Variants in EPS15 observed in about 807,000 individuals in gnomAD.
EPS15 encodes epidermal growth factor receptor substrate 15.
A neutral mutation model predicts 113.8 loss-of-function variants in EPS15; 72 were observed. The ratio of observed to expected loss-of-function variants is 0.63; its 90% CI spans 0.52 to 0.77. The LOEUF is 0.77. Among genes scored for constraint, EPS15 ranks in the 30% least tolerant of loss-of-function variants. The probability of loss-of-function intolerance (pLI) is 0.00; values close to 1 mark genes in which losing one functional copy is unlikely to be tolerated. For synonymous variants in EPS15, 344 were observed against 363.4 expected (o/e 0.95, Z 0.61); for missense variants, 1,048 against 1,045.8 (o/e 1.00, Z -0.03).
intron 12 of EPS15, among the ~76,000 whole-genome samples, chr1:51,433,982 T>G (rs1360525286): frequency 6.6e-6 from 1 of 152,246 alleles, no homozygotes; most frequent in Non-Finnish European, 1.5e-5. Context: ...ACTGAGGCAT[T>G]TTACTGTCAC....
At chr1:51,403,379 C>G in intron 17 of EPS15, 40 bp downstream of exon 17, 1 of 1,096,916 alleles carries the variant, frequency 9.1e-7, no homozygotes, top group Non-Finnish European at 1.4e-6. Flanking sequence ...GTCCTTCCAC[C>G]CTTACAAGTC....
chr1:51,502,060 G>A (rs140043621), intron 1 of EPS15, among the ~76,000 whole-genome samples: 1 of 151,994 alleles, frequency 6.6e-6, no homozygotes, highest in Non-Finnish European at 1.5e-5. Context: ...TGCACCTTAG[G>A]AGTTTGAGAC....
At chr1:51,390,621 A>C (rs1647262976) in intron 21 of EPS15, among the ~76,000 whole-genome samples, 1 of 151,566 alleles carries the variant, frequency 6.6e-6, no homozygotes, top group South Asian at 2.1e-4. Context: ...ATTTACAAGA[A>C]AAAAAAAACA....
chr1:51,513,853 G>A (rs1225380371), intron 1 of EPS15, among the ~76,000 whole-genome samples: 2 of 152,042 alleles, frequency 1.3e-5, no homozygotes, highest in Non-Finnish European at 2.9e-5. Context: ...TAAATGTTTA[G>A]GATGAAAACT....
At chr1:51,476,201 C>A (rs1158578638) in intron 2 of EPS15, among the ~76,000 whole-genome samples, 1 of 152,056 alleles carries the variant, frequency 6.6e-6, no homozygotes, top group Non-Finnish European at 1.5e-5. Context: ...TTTTTGGTTC[C>A]ATATGAACTT....
chr1:51,487,503 T>C (rs1408423410), intron 1 of EPS15, among the ~76,000 whole-genome samples: 1 of 152,194 alleles, frequency 6.6e-6, no homozygotes, highest in Non-Finnish European at 1.5e-5. Context: ...CTCAAAAATG[T>C]ACCAGTTTGA....
chr1:51,358,702 TTTTTTTG>T (rs1475907464), intron 24 of EPS15, among the ~76,000 whole-genome samples: 372 of 148,334 alleles, frequency 2.5e-3, no homozygotes, highest in Non-Finnish European at 4.2e-3. Flanking sequence ...CAGATTTGTT[TTTTTTTG>T]TTTTTTTTTT....
At chr1:51,393,368 C>G (rs1647585997) in intron 21 of EPS15, among the ~76,000 whole-genome samples, 1 of 152,196 alleles carries the variant, frequency 6.6e-6, no homozygotes, top group Non-Finnish European at 1.5e-5. Flanking sequence ...CACCACCATA[C>G]CTGGCTAATT....
At chr1:51,431,027 C>CACACACACAA (rs1491306539) in intron 12 of EPS15, among the ~76,000 whole-genome samples, 1 of 96,036 alleles carries the variant, frequency 1.0e-5, no homozygotes, top group Non-Finnish European at 2.1e-5. Flanking sequence ...CACACACACA[C>CACACACACAA]AAAAATAAAA....
chr1:51,400,382 C>T (rs1029351686), intron 19 of EPS15, among the ~76,000 whole-genome samples: 1 of 152,068 alleles, frequency 6.6e-6, no homozygotes, highest in Non-Finnish European at 1.5e-5. Context: ...AGTCTAAACA[C>T]TAATGTCATT....
intron 1 of EPS15, among the ~76,000 whole-genome samples, chr1:51,508,332 GAAAGAGAGAAAGAA>G (rs1198687081): frequency 1.4e-3 from 173 of 125,452 alleles, no homozygotes; most frequent in African/African-American, 4.9e-3. Flanking sequence ...GAGAGAAAGA[GAAAGAGAGAAAGAA>G]AGAAAGAAAG....
In EPS15 at chr1:51,423,753, G is replaced by A. The variant is rs901369421; in HGVS notation, c.1041-1895C>T. The A allele has an allele frequency of 5.1e-6, 5 of 984,716 alleles. No individual in the cohort carries two copies. In the African/African-American group the frequency reaches 8.7e-5, roughly 17 times the overall value. The allele number at this position is 984,716 out of a possible 1,614,324, so 61.0% of individuals were successfully genotyped here. Reference sequence around the variant, plus strand: ...AAACAGGGCTACAAGAAGCCAGTGAGCTGACTCAAAGTAGCCAAGGCAGAA... The same window carrying A: ...AAACAGGGCTACAAGAAGCCAGTGAACTGACTCAAAGTAGCCAAGGCAGAA... On this transcript the variant is annotated intron_variant, in intron 12 of 24. Transcript: ENST00000371733.
At chr1:51,457,044 T>A (rs990611196) in intron 8 of EPS15, among the ~76,000 whole-genome samples, 11 of 151,900 alleles carry the variant, frequency 7.2e-5, no homozygotes, top group Non-Finnish European at 8.8e-5. Context: ...CCAGCACTTT[T>A]GGAGGCCGAG....
intron 2 of EPS15, among the ~76,000 whole-genome samples, chr1:51,478,756 TTTTC>T (rs1289566126): frequency 6.6e-6 from 1 of 152,210 alleles, no homozygotes; most frequent in Non-Finnish European, 1.5e-5. Context: ...TTGAAAATTC[TTTTC>T]TTTAAGAATG....
At chr1:51,422,360 A>G (rs1650837170) in intron 12 of EPS15, among the ~76,000 whole-genome samples, 1 of 152,202 alleles carries the variant, frequency 6.6e-6, no homozygotes, top group African/African-American at 2.4e-5. Context: ...GAATGAAACA[A>G]CAGAGAAAAT....
At chr1:51,411,451 T>A (rs1346004512) in intron 13 of EPS15, among the ~76,000 whole-genome samples, 1 of 152,180 alleles carries the variant, frequency 6.6e-6, no homozygotes, top group African/African-American at 2.4e-5. Flanking sequence ...TACAGAGAAT[T>A]TAAGATACAG....
chr1:51,365,897 G>T, intron 22 of EPS15, 56 bp downstream of exon 22: 1 of 1,209,474 alleles, frequency 8.3e-7, no homozygotes, highest in Non-Finnish European at 1.2e-6. Flanking sequence ...AAGGAGGATT[G>T]TTCTTTTGGT....
intron 1 of EPS15, among the ~76,000 whole-genome samples, chr1:51,511,234 C>T (rs903923248): frequency 6.6e-6 from 1 of 151,796 alleles, no homozygotes; most frequent in Non-Finnish European, 1.5e-5. Flanking sequence ...GTGGCTCACA[C>T]TATAATCTCA....
chr1:51,361,374 A>C lies in EPS15; in HGVS notation c.2360-19T>G, dbSNP rs745572941. On this transcript the variant is annotated intron_variant, in intron 23 of 24. Coordinates refer to ENST00000371733, the MANE Select transcript of EPS15 (RefSeq NM_001981.3). ...CTTTTCCCTGGATCAAAATCATTAC[A>C]ATTAATTCAACCAGTAAATACAGCA... The C allele has an allele frequency of 7.0e-5, 112 of 1,590,420 alleles. No homozygotes were observed. The highest frequency in any genetic ancestry group is 9.5e-5 in the Non-Finnish European group (110 of 1,160,984).
Sources: gnomAD v4.1 joint callset for allele counts (sites outside exome capture counted in the v4.1 genomes callset) on GRCh38, gnomAD v4.1.1 for gene constraint, MANE v1.5 for transcripts, NCBI Gene and HGNC (gene_info 2026-07-23, HGNC 2026-07-21) for gene names.